Variants in SSBP3 observed in about 807,000 individuals in gnomAD.
SSBP3 encodes the protein single stranded DNA binding protein 3.
In SSBP3, 5 loss-of-function variants were observed where a neutral mutation model predicts 69.6. The ratio of observed to expected loss-of-function variants is 0.07; its 90% CI spans 0.04 to 0.15. The LOEUF is 0.15. SSBP3 is among the 10% of genes least tolerant of loss of function. The pLI is 1.00. For missense variants in SSBP3, 312 were observed against 534.0 expected, an observed-to-expected ratio of 0.58 and a Z score of 4.10; for synonymous variants, 196 against 193.4, an observed-to-expected ratio of 1.01 and a Z score of -0.11.
intron 4 of SSBP3, 100 bp downstream of exon 4, chr1:54,401,757 CAAAT>C: frequency 2.2e-6 from 2 of 910,256 alleles, no homozygotes; most frequent in Non-Finnish European, 3.4e-6. Flanking sequence ...ACGCAAGAAG[CAAAT>C]AAAGACCACT....
intron 14 of SSBP3, 87 bp from the exon 15 acceptor site, chr1:54,228,913 T>C: frequency 7.1e-7 from 1 of 1,399,316 alleles, no homozygotes; most frequent in East Asian, 2.5e-5. Context: ...CACGCTTGAG[T>C]CCTGGCCCTG....
At chr1:54,225,493 T>G in exon 18 of SSBP3, 1 of 1,125,164 alleles carries the variant, frequency 8.9e-7, no homozygotes. Flanking sequence ...CAAACTACAA[T>G]GTATCATAAT....
chr1:54,298,534 A>C (rs1272373840), intron 4 of SSBP3, among the ~76,000 whole-genome samples: 2 of 152,164 alleles, frequency 1.3e-5, no homozygotes, highest in African/African-American at 4.8e-5. Context: ...CTCCAGGAGA[A>C]AGCTGCCCTT....
At chr1:54,268,852 C>T (rs962314493) in intron 5 of SSBP3, among the ~76,000 whole-genome samples, 21 of 152,140 alleles carry the variant, frequency 1.4e-4, no homozygotes, top group Admixed American at 7.9e-4. Context: ...GCAAACTTGA[C>T]GGAAAATGAG....
chr1:54,247,255 T>C (rs567846510), intron 9 of SSBP3, among the ~76,000 whole-genome samples: 1 of 152,348 alleles, frequency 6.6e-6, no homozygotes, highest in South Asian at 2.1e-4. Flanking sequence ...TCTGCATTCT[T>C]AGCCAAGCAT....
At chr1:54,381,256 G>A (rs1228693966) in intron 4 of SSBP3, among the ~76,000 whole-genome samples, 3 of 151,710 alleles carry the variant, frequency 2.0e-5, no homozygotes, top group Non-Finnish European at 2.9e-5. Context: ...GGTGGCGTGC[G>A]CCTGCAGTCC....
chr1:54,252,139 T>C (rs527913397), intron 7 of SSBP3, among the ~76,000 whole-genome samples: 5 of 152,174 alleles, frequency 3.3e-5, no homozygotes, highest in Non-Finnish European at 7.3e-5. Context: ...TGTGTACCTA[T>C]CAGAGCTCTG....
At chr1:54,339,170 A>T (rs1046943925) in intron 4 of SSBP3, among the ~76,000 whole-genome samples, 4 of 152,034 alleles carry the variant, frequency 2.6e-5, no homozygotes, top group African/African-American at 9.7e-5. Flanking sequence ...CAGAAAAAAA[A>T]AGAAAAAGAA....
chr1:54,305,738 G>A (rs183426016), intron 4 of SSBP3, among the ~76,000 whole-genome samples: 31 of 151,938 alleles, frequency 2.0e-4, no homozygotes, highest in African/African-American at 7.2e-4. Flanking sequence ...GATTACAGGA[G>A]TGAGCCACTG....
At chr1:54,328,556 T>C (rs1052190917) in intron 4 of SSBP3, among the ~76,000 whole-genome samples, 3 of 152,204 alleles carry the variant, frequency 2.0e-5, no homozygotes, top group Non-Finnish European at 4.4e-5. Context: ...TCAGGCTCCA[T>C]GCTGCCTTGT....
chr1:54,387,062 C>T (rs1570018914), intron 4 of SSBP3, among the ~76,000 whole-genome samples: 1 of 152,154 alleles, frequency 6.6e-6, no homozygotes, highest in South Asian at 2.1e-4. Context: ...GTAAGAACAT[C>T]CGTTCCATCC....
At chr1:54,407,072 C>T (rs1337919980), upstream of SSBP3, among the ~76,000 whole-genome samples, 1 of 152,044 alleles carries the variant, frequency 6.6e-6, no homozygotes, top group East Asian at 2.0e-4. Context: ...GCGGCTGCTC[C>T]TTTACTAGAT....
At chr1:54,292,441 AG>A (rs1161207816) in intron 4 of SSBP3, among the ~76,000 whole-genome samples, 9 of 152,154 alleles carry the variant, frequency 5.9e-5, no homozygotes, top group African/African-American at 1.4e-4. Context: ...AGCTACAGGA[AG>A]GGATGAGAGT....
intron 9 of SSBP3, among the ~76,000 whole-genome samples, chr1:54,244,812 C>T (rs1431042068): frequency 6.6e-6 from 1 of 152,180 alleles, no homozygotes; most frequent in East Asian, 1.9e-4. Context: ...GGAAGCCCTC[C>T]TGACCCCACC....
chr1:54,336,923 C>T (rs1187365785), intron 4 of SSBP3, among the ~76,000 whole-genome samples: 1 of 152,170 alleles, frequency 6.6e-6, no homozygotes, highest in Non-Finnish European at 1.5e-5. Flanking sequence ...CAACATCATG[C>T]CCAGGGTGTG....
chr1:54,269,746 G>A (rs1645161563), intron 5 of SSBP3, among the ~76,000 whole-genome samples: 1 of 152,234 alleles, frequency 6.6e-6, no homozygotes, highest in Non-Finnish European at 1.5e-5. Flanking sequence ...AGGTCTGAGA[G>A]CCAGCAGCTC....
intron 4 of SSBP3, among the ~76,000 whole-genome samples, chr1:54,376,000 A>G (rs1225232399): frequency 6.6e-6 from 1 of 151,246 alleles, no homozygotes; most frequent in African/African-American, 2.4e-5. Context: ...AGAGGGATAC[A>G]GGGCAGGGAG....
intron 4 of SSBP3, among the ~76,000 whole-genome samples, chr1:54,371,265 G>A (rs946902669): frequency 4.6e-5 from 7 of 152,214 alleles, no homozygotes; most frequent in East Asian, 1.9e-4. Flanking sequence ...GGTTTAGAGC[G>A]CATTAACTCC....
chr1:54,388,059 A>C (rs1648216134), intron 4 of SSBP3, among the ~76,000 whole-genome samples: 1 of 152,272 alleles, frequency 6.6e-6, no homozygotes. Flanking sequence ...ACTGGCTTTT[A>C]AGCAACAAAA....
Sources: gnomAD v4.1 joint callset for allele counts (sites outside exome capture counted in the v4.1 genomes callset) on GRCh38, gnomAD v4.1.1 for gene constraint, MANE v1.5 for transcripts, NCBI Gene and HGNC (gene_info 2026-07-23, HGNC 2026-07-21) for gene names.